The following TMEM114 variants were observed in gnomAD, a reference collection of about 807,000 sequenced individuals.
The protein encoded by TMEM114 is claudin-26.
TMEM114 carries 6 observed loss-of-function variants against 6.2 expected under a neutral mutation model. The observed-to-expected ratio is 0.97, with a 90% CI of 0.53 to 1.91. The LOEUF (loss-of-function observed/expected upper bound fraction) is 1.91, where lower values mean the gene tolerates loss of function less well. TMEM114 is among the 40% of genes most tolerant of loss of function. The probability of loss-of-function intolerance (pLI) is 0.01; values close to 1 mark genes in which losing one functional copy is unlikely to be tolerated. For synonymous variants in TMEM114, 104 were observed against 73.0 expected (o/e 1.42, Z -2.16); for missense variants, 218 against 158.3 (o/e 1.38, Z -2.02).
At chr16:8,537,615 C>A (rs528299845) in exon 3 of TMEM114, 20 of 152,272 alleles carry the variant, frequency 1.3e-4, no homozygotes, top group African/African-American at 4.6e-4. Flanking sequence ...ATTCATATAG[C>A]TATTCACATA....
intron 2 of TMEM114, among the ~76,000 whole-genome samples, chr16:8,546,296 G>T (rs1900662905): frequency 6.6e-6 from 1 of 152,046 alleles, no homozygotes; most frequent in South Asian, 2.1e-4. Context: ...CATATAATTT[G>T]CATTCCTTCT....
intron 2 of TMEM114, among the ~76,000 whole-genome samples, chr16:8,556,809 C>T (rs1332714374): frequency 6.6e-6 from 1 of 152,188 alleles, no homozygotes; most frequent in African/African-American, 2.4e-5. Flanking sequence ...GACCCGTGTG[C>T]ACTTTAAAAT....
At chr16:8,527,922 G>T in the TMEM114 span, among the ~76,000 whole-genome samples, 3 of 152,052 alleles carry the variant, frequency 2.0e-5, no homozygotes, top group Non-Finnish European at 4.4e-5. Context: ...TTGTTTGTTT[G>T]TTTTAGACAA....
At chr16:8,578,148 C>G (rs1244282598) in intron 2 of TMEM114, among the ~76,000 whole-genome samples, 1 of 151,930 alleles carries the variant, frequency 6.6e-6, no homozygotes, top group Non-Finnish European at 1.5e-5. Flanking sequence ...GGTGGGGGGG[C>G]CTTGTTCTTA....
At chr16:8,567,857 C>T (rs750667867), downstream of TMEM114, among the ~76,000 whole-genome samples, 1 of 152,182 alleles carries the variant, frequency 6.6e-6, no homozygotes, top group African/African-American at 2.4e-5. Flanking sequence ...CATGGTTGCC[C>T]TCACTTTGCA....
intron 2 of TMEM114, among the ~76,000 whole-genome samples, chr16:8,554,852 A>G (rs1567198837): frequency 6.6e-6 from 1 of 152,180 alleles, no homozygotes; most frequent in Non-Finnish European, 1.5e-5. Context: ...AAGGATGAGG[A>G]AGTTGAGGGA....
downstream of TMEM114, among the ~76,000 whole-genome samples, chr16:8,565,372 TA>T (rs1418268706): frequency 2.0e-5 from 3 of 152,120 alleles, no homozygotes; most frequent in African/African-American, 7.2e-5. Context: ...AATGAGTGAA[TA>T]AATGAATGGA....
chr16:8,556,789 C>T (rs561257216), intron 2 of TMEM114, among the ~76,000 whole-genome samples: 2 of 152,306 alleles, frequency 1.3e-5, no homozygotes, highest in South Asian at 2.1e-4. Context: ...AGGCGTGAGC[C>T]ACCGCGCCTG....
At chr16:8,569,090 G>T (rs377307831), downstream of TMEM114, among the ~76,000 whole-genome samples, 6 of 152,176 alleles carry the variant, frequency 3.9e-5, no homozygotes, top group Non-Finnish European at 7.4e-5. Flanking sequence ...AGTCTGGGGC[G>T]CGCTAAATGT....
chr16:8,536,867 T>C (rs925180472), downstream of TMEM114, among the ~76,000 whole-genome samples: 4 of 152,132 alleles, frequency 2.6e-5, no homozygotes, highest in Admixed American at 2.0e-4. Context: ...AAAATAAAGA[T>C]AATATTTCCT....
chr16:8,571,479 C>G (rs953074032), intron 3 of TMEM114, among the ~76,000 whole-genome samples: 1 of 152,162 alleles, frequency 6.6e-6, no homozygotes, highest in Non-Finnish European at 1.5e-5. Context: ...TTTTCAAGAA[C>G]ACAATAGGCT....
At chr16:8,588,971 G>T (rs1360558151) in intron 2 of TMEM114, among the ~76,000 whole-genome samples, 1 of 152,014 alleles carries the variant, frequency 6.6e-6, no homozygotes, top group Non-Finnish European at 1.5e-5. Flanking sequence ...CCATCAAAAC[G>T]GTGCAAAGAA....
chr16:8,555,720 C>G (rs1245058700), intron 2 of TMEM114, among the ~76,000 whole-genome samples: 1 of 152,186 alleles, frequency 6.6e-6, no homozygotes, highest in Admixed American at 6.5e-5. Context: ...TTCCAGGGGA[C>G]ACCTGGCAAT....
At chr16:8,546,951 G>A (rs1187402770) in intron 2 of TMEM114, among the ~76,000 whole-genome samples, 1 of 152,198 alleles carries the variant, frequency 6.6e-6, no homozygotes, top group African/African-American at 2.4e-5. Context: ...TAGCTGGGAG[G>A]ACAGGGGAAA....
At chr16:8,562,985 G>T (rs28972432) in intron 2 of TMEM114, among the ~76,000 whole-genome samples, 4,181 of 57,478 alleles carry the variant, frequency 0.073, 384 homozygotes, top group Middle Eastern at 0.16. Context: ...ATGGAGGGAA[G>T]GAGTGAGTGA....
intron 2 of TMEM114, among the ~76,000 whole-genome samples, chr16:8,540,552 A>G (rs1162256692): frequency 6.6e-6 from 1 of 152,224 alleles, no homozygotes; most frequent in Non-Finnish European, 1.5e-5. Flanking sequence ...AAGGTTGGAT[A>G]GTCAATGAAA....
chr16:8,549,292 G>C (rs1293455403), intron 2 of TMEM114, among the ~76,000 whole-genome samples: 1 of 151,450 alleles, frequency 6.6e-6, no homozygotes, highest in Admixed American at 6.6e-5. Context: ...CTGAGGTCAG[G>C]AGTTCGAGAC....
At chr16:8,548,197 C>T (rs1019151038) in intron 2 of TMEM114, among the ~76,000 whole-genome samples, 1 of 152,158 alleles carries the variant, frequency 6.6e-6, no homozygotes, top group Non-Finnish European at 1.5e-5. Context: ...GAGCAAGGGG[C>T]TTAGTTAGCC....
intron 2 of TMEM114, among the ~76,000 whole-genome samples, chr16:8,558,461 G>A (rs1464165040): frequency 6.6e-6 from 1 of 151,982 alleles, no homozygotes; most frequent in Non-Finnish European, 1.5e-5. Context: ...GGTCTTCTTA[G>A]AAAGACACCA....
Sources: allele counts gnomAD v4.1 joint callset (sites outside exome capture counted in the v4.1 genomes callset), GRCh38; gene constraint gnomAD v4.1.1; transcripts MANE v1.5; gene names NCBI Gene and HGNC (gene_info 2026-07-23, HGNC 2026-07-21).